The following SGCD variants were observed in gnomAD, a reference collection of about 807,000 sequenced individuals.
SGCD encodes delta-sarcoglycan.
Under a neutral mutation model 36.6 loss-of-function variants are expected in SGCD, and 18 were observed. That is an observed-to-expected ratio of 0.49 (90% confidence interval 0.34 to 0.73). The LOEUF is 0.73. Ranked by LOEUF, SGCD falls within the 30% of genes least tolerant of loss-of-function variation. SGCD has a pLI of 0.01. For missense variants in SGCD, 387 were observed against 346.7 expected, an observed-to-expected ratio of 1.12 and a Z score of -0.92; for synonymous variants, 133 against 130.6, an observed-to-expected ratio of 1.02 and a Z score of -0.12.
intron 3 of SGCD, among the ~76,000 whole-genome samples, chr5:156,304,818 T>G (rs1243665403): frequency 6.6e-6 from 1 of 152,144 alleles, no homozygotes; most frequent in Non-Finnish European, 1.5e-5. Context: ...TGGTCTCAGA[T>G]GGAGATGAGG....
chr5:156,566,561 T>G (rs937201501), intron 4 of SGCD, among the ~76,000 whole-genome samples: 17 of 152,202 alleles, frequency 1.1e-4, no homozygotes, highest in Non-Finnish European at 1.9e-4. Flanking sequence ...TGGCATGATT[T>G]AAGGTATAAC....
At chr5:156,417,239 C>G (rs937098590) in intron 3 of SGCD, among the ~76,000 whole-genome samples, 1 of 152,126 alleles carries the variant, frequency 6.6e-6, no homozygotes, top group Non-Finnish European at 1.5e-5. Context: ...ACCCTTGTTC[C>G]AAATGCCACA....
intron 1 of SGCD, among the ~76,000 whole-genome samples, chr5:155,877,150 G>C (rs1755783890): frequency 6.6e-6 from 1 of 152,116 alleles, no homozygotes. Context: ...GCTACAAGAA[G>C]AGGGTGGTAG....
At chr5:156,034,815 C>T (rs1759448368) in intron 1 of SGCD, among the ~76,000 whole-genome samples, 1 of 152,156 alleles carries the variant, frequency 6.6e-6, no homozygotes, top group Non-Finnish European at 1.5e-5. Flanking sequence ...AGTACAGTGC[C>T]TCATGCATAG....
chr5:155,887,965 G>A (rs1415885512), intron 1 of SGCD, among the ~76,000 whole-genome samples: 6 of 152,092 alleles, frequency 3.9e-5, no homozygotes, highest in South Asian at 4.2e-4. Context: ...TGAGAAATAC[G>A]AAACTCAGAG....
intron 8 of SGCD, chr5:156,758,176 G>A (rs1757410229): frequency 1.2e-5 from 2 of 169,716 alleles, no homozygotes. Flanking sequence ...GTAAGACTAG[G>A]CAGCAAGGGA....
intron 1 of SGCD, among the ~76,000 whole-genome samples, chr5:155,986,214 T>C (rs735331): frequency 0.046 from 7,042 of 152,322 alleles, 196 homozygotes; most frequent in South Asian, 0.084. Flanking sequence ...TGTATCTTTC[T>C]TGGAAATGGT....
chr5:156,597,747 G>T (rs1561804303), intron 6 of SGCD, among the ~76,000 whole-genome samples: 1 of 144,008 alleles, frequency 6.9e-6, no homozygotes, highest in African/African-American at 2.6e-5. Flanking sequence ...CCCTTATGTG[G>T]ATACTCTTTT....
chr5:156,441,514 G>T (rs979519098), intron 3 of SGCD, among the ~76,000 whole-genome samples: 2 of 152,008 alleles, frequency 1.3e-5, no homozygotes, highest in Non-Finnish European at 2.9e-5. Flanking sequence ...CATTACATAT[G>T]GTACAGAACT....
At chr5:156,579,401 G>A (rs1176136450) in intron 4 of SGCD, among the ~76,000 whole-genome samples, 1 of 152,072 alleles carries the variant, frequency 6.6e-6, no homozygotes, top group Non-Finnish European at 1.5e-5. Flanking sequence ...GATTTGGGGT[G>A]GAGAGTTCTG....
At chr5:156,268,993 T>A (rs2127668634) in intron 3 of SGCD, among the ~76,000 whole-genome samples, 1 of 152,252 alleles carries the variant, frequency 6.6e-6, no homozygotes, top group African/African-American at 2.4e-5. Flanking sequence ...TGTATTAGTC[T>A]GTTTCCAAGA....
intron 1 of SGCD, among the ~76,000 whole-genome samples, chr5:155,964,205 A>G (rs1257841094): frequency 2.0e-5 from 3 of 152,148 alleles, no homozygotes; most frequent in East Asian, 3.9e-4. Flanking sequence ...AGGAAGAGAA[A>G]GATGAGAAAA....
At position 156,696,805 on chromosome 5, in the gene SGCD, C is replaced by T. The variant is rs116745489; in HGVS notation, c.575+49269C>T. 5.3e-3 allele frequency among the ~76,000 whole-genome samples: 806 copies of T among 152,116 alleles called. 3 individuals carry two copies. The highest frequency in any genetic ancestry group is 0.018 in the African/African-American group (766 of 41,474). The stretch of plus-strand genomic sequence containing the variant: ...GATTACAGGTGTGAGCCACAGCAAC[C>T]AGCCCAACTTCTGCTTTCAAAAGCA... On this transcript the variant is annotated intron_variant, in intron 7 of 8. Coordinates refer to ENST00000337851, the MANE Select transcript of SGCD (RefSeq NM_000337.6).
intron 1 of SGCD, among the ~76,000 whole-genome samples, chr5:155,888,912 T>C (rs991320248): frequency 6.6e-6 from 1 of 152,226 alleles, no homozygotes; most frequent in Non-Finnish European, 1.5e-5. Flanking sequence ...GCTCTGACAA[T>C]TGGATCTACC....
chr5:156,349,584 T>G (rs1554095428), intron 3 of SGCD, among the ~76,000 whole-genome samples: 1 of 151,696 alleles, frequency 6.6e-6, no homozygotes, highest in Non-Finnish European at 1.5e-5. Flanking sequence ...TAATAAAAAT[T>G]AAAAAAAATA....
intron 3 of SGCD, chr5:156,393,958 G>T (rs184980260): frequency 1.3e-5 from 5 of 386,104 alleles, no homozygotes; most frequent in Non-Finnish European, 2.6e-5. Flanking sequence ...CCTGAAAAAG[G>T]CCACATTCTA....
At chr5:156,024,835 G>A (rs1759190382) in intron 1 of SGCD, among the ~76,000 whole-genome samples, 1 of 151,850 alleles carries the variant, frequency 6.6e-6, no homozygotes, top group African/African-American at 2.4e-5. Flanking sequence ...GCGTGTGCCT[G>A]TAGTCTCAGC....
At chr5:155,825,741 TGTTG>T in the SGCD span, among the ~76,000 whole-genome samples, 29 of 116,258 alleles carry the variant, frequency 2.5e-4, 1 homozygote, top group African/African-American at 5.9e-4. Context: ...TTTTTTTTTT[TGTTG>T]TTGTTGTTGT....
At chr5:155,947,129 G>T (rs772972854) in intron 1 of SGCD, among the ~76,000 whole-genome samples, 70 of 152,172 alleles carry the variant, frequency 4.6e-4, no homozygotes, top group Non-Finnish European at 9.3e-4. Context: ...AGGAAAGATA[G>T]ATGGGCAAAT....
Sources: allele counts gnomAD v4.1 joint callset (sites outside exome capture counted in the v4.1 genomes callset), GRCh38; gene constraint gnomAD v4.1.1; transcripts MANE v1.5; gene names NCBI Gene and HGNC (gene_info 2026-07-23, HGNC 2026-07-21).